Variants in RARB observed in about 807,000 individuals in gnomAD.
RARB encodes HBV-activated protein.
In RARB, 17 loss-of-function variants were observed where a neutral mutation model predicts 51.9. That is an observed-to-expected ratio of 0.33 (90% CI 0.22 to 0.49). RARB has a LOEUF of 0.49. Among genes scored for constraint, RARB ranks in the 20% least tolerant of loss-of-function variants. The probability of loss-of-function intolerance (pLI) is 0.99; values close to 1 mark genes in which losing one functional copy is unlikely to be tolerated. For synonymous variants in RARB, 215 were observed against 195.4 expected (o/e 1.10, Z -0.84); for missense variants, 369 against 550.8 (o/e 0.67, Z 3.30).
intron 3 of RARB, among the ~76,000 whole-genome samples, chr3:25,508,802 C>A (rs1207338883): frequency 6.6e-5 from 10 of 151,820 alleles, no homozygotes. Context: ...TACTTTTATA[C>A]CTAAAAATGT....
At chr3:25,346,531 G>A (rs1421439014) in intron 5 of RARB, among the ~76,000 whole-genome samples, 2 of 152,046 alleles carry the variant, frequency 1.3e-5, no homozygotes, top group Non-Finnish European at 2.9e-5. Context: ...TGTCTCAGAT[G>A]AGCTCACCAG....
chr3:24,981,416 G>T (rs1696669130), intron 2 of RARB, among the ~76,000 whole-genome samples: 1 of 152,186 alleles, frequency 6.6e-6, no homozygotes, highest in African/African-American at 2.4e-5. Flanking sequence ...TTGAGCTGCA[G>T]TGGGCTCCAC....
intron 3 of RARB, among the ~76,000 whole-genome samples, chr3:25,512,966 A>G (rs1387593232): frequency 6.6e-6 from 1 of 152,012 alleles, no homozygotes; most frequent in Non-Finnish European, 1.5e-5. Flanking sequence ...AGTGCCTTGT[A>G]CTTAATAGAT....
At chr3:25,156,713 G>A (rs1700381401) in intron 4 of RARB, among the ~76,000 whole-genome samples, 2 of 151,932 alleles carry the variant, frequency 1.3e-5, no homozygotes, top group South Asian at 4.1e-4. Context: ...GTCCTTCTTG[G>A]CATAAGATGT....
chr3:25,247,043 C>A (rs372925358), intron 5 of RARB, among the ~76,000 whole-genome samples: 1 of 152,222 alleles, frequency 6.6e-6, no homozygotes, highest in Non-Finnish European at 1.5e-5. Flanking sequence ...TCTAGACAGG[C>A]GGTCTGGCTA....
chr3:25,058,902 G>T (rs1337227896), intron 2 of RARB, among the ~76,000 whole-genome samples: 1 of 150,516 alleles, frequency 6.6e-6, no homozygotes, highest in Non-Finnish European at 1.5e-5. Flanking sequence ...TAATTCTTAT[G>T]GTAATAAAAT....
intron 5 of RARB, among the ~76,000 whole-genome samples, chr3:25,359,557 T>A (rs1023398490): frequency 9.9e-5 from 15 of 152,212 alleles, no homozygotes; most frequent in African/African-American, 3.6e-4. Flanking sequence ...GTTCTTTTAA[T>A]TGTGATGTTA....
intron 5 of RARB, among the ~76,000 whole-genome samples, chr3:25,421,089 T>C (rs1707845646): frequency 6.6e-6 from 1 of 151,720 alleles, no homozygotes; most frequent in Non-Finnish European, 1.5e-5. Context: ...TATTTCATGG[T>C]CATTCTGACT....
intron 2 of RARB, among the ~76,000 whole-genome samples, chr3:24,859,036 CAAAAAAAAA>C (rs1169235713): frequency 2.0e-5 from 1 of 50,320 alleles, no homozygotes; most frequent in Non-Finnish European, 4.3e-5. Context: ...GACTCTGTCT[CAAAAAAAAA>C]AAAAAAAAAA....
At chr3:24,839,055 C>G (rs773979160) in intron 1 of RARB, among the ~76,000 whole-genome samples, 65 of 151,672 alleles carry the variant, frequency 4.3e-4, no homozygotes, top group Non-Finnish European at 8.0e-4. Flanking sequence ...GTCATATGGA[C>G]TAAAGTACAT....
At chr3:24,939,044 G>A (rs116076985) in intron 2 of RARB, among the ~76,000 whole-genome samples, 5,076 of 151,440 alleles carry the variant, frequency 0.034, 188 homozygotes, top group East Asian at 0.18. Flanking sequence ...GTGCATTGAC[G>A]TGGTCTCAGC....
chr3:25,362,962 G>A (rs1429525946), intron 5 of RARB, among the ~76,000 whole-genome samples: 1 of 152,062 alleles, frequency 6.6e-6, no homozygotes, highest in Non-Finnish European at 1.5e-5. Flanking sequence ...GGCAAATGTT[G>A]ATGAGTAAGA....
chr3:24,980,608 G>T (rs1233946696), intron 2 of RARB, among the ~76,000 whole-genome samples: 1 of 152,086 alleles, frequency 6.6e-6, no homozygotes, highest in Admixed American at 6.5e-5. Flanking sequence ...GTGGTTTTCA[G>T]TTCCATCAGG....
intron 5 of RARB, among the ~76,000 whole-genome samples, chr3:25,365,975 C>T (rs1037136526): frequency 4.6e-5 from 7 of 152,182 alleles, no homozygotes; most frequent in African/African-American, 1.7e-4. Flanking sequence ...GGAAGTCTGT[C>T]AATAGTGTAA....
chr3:25,507,241 G>A (rs1181088224), intron 3 of RARB, among the ~76,000 whole-genome samples: 3 of 152,198 alleles, frequency 2.0e-5, no homozygotes, highest in Non-Finnish European at 4.4e-5. Context: ...GCTTTGCTCG[G>A]TGAAGTTAGA....
At chr3:25,083,398 T>C (rs1699046292) in intron 3 of RARB, among the ~76,000 whole-genome samples, 1 of 151,932 alleles carries the variant, frequency 6.6e-6, no homozygotes, top group Non-Finnish European at 1.5e-5. Context: ...TCAACCTCTC[T>C]GATCTCTTTT....
intron 2 of RARB, among the ~76,000 whole-genome samples, chr3:25,495,697 G>A (rs191000521): frequency 6.6e-6 from 1 of 152,304 alleles, no homozygotes; most frequent in Admixed American, 6.5e-5. Flanking sequence ...GTTAGAAAAT[G>A]CTTGACTCAG....
intron 3 of RARB, among the ~76,000 whole-genome samples, chr3:25,086,838 G>T (rs1441217051): frequency 4.6e-5 from 7 of 152,078 alleles, no homozygotes; most frequent in African/African-American, 1.4e-4. Flanking sequence ...TGGAGAACAA[G>T]GTTCTTATTA....
chr3:25,036,914 G>A (rs778100875), intron 2 of RARB, among the ~76,000 whole-genome samples: 4 of 152,056 alleles, frequency 2.6e-5, no homozygotes, highest in African/African-American at 7.2e-5. Context: ...CTAACCTATG[G>A]TACTTTCAAG....
Sources: allele counts gnomAD v4.1 joint callset (sites outside exome capture counted in the v4.1 genomes callset), GRCh38; gene constraint gnomAD v4.1.1; transcripts MANE v1.5; gene names NCBI Gene and HGNC (gene_info 2026-07-23, HGNC 2026-07-21).